NEBL: variants seen among roughly 807,000 people sequenced by gnomAD.
The protein encoded by NEBL is LIM and SH3 protein 2.
NEBL carries 122 observed loss-of-function variants against 140.2 expected under a neutral mutation model. That is an observed-to-expected ratio of 0.87 (90% confidence interval 0.75 to 1.01). NEBL has a LOEUF of 1.01. NEBL is among the 50% of genes least tolerant of loss of function. The pLI is 0.00. For synonymous variants in NEBL, 436 were observed against 398.9 expected (o/e 1.09, Z -1.11); for missense variants, 1,365 against 1,231.3 (o/e 1.11, Z -1.62).
intron 2 of NEBL, among the ~76,000 whole-genome samples, chr10:21,033,365 C>T (rs1179994621): frequency 1.3e-5 from 2 of 151,988 alleles, no homozygotes; most frequent in African/African-American, 4.8e-5. Flanking sequence ...GCAATATGAA[C>T]AAAAATAATT....
At chr10:20,953,603 T>C (rs1248588327) in intron 4 of NEBL, among the ~76,000 whole-genome samples, 2 of 150,478 alleles carry the variant, frequency 1.3e-5, no homozygotes, top group Admixed American at 1.3e-4. Context: ...GCATTTGTAA[T>C]GTAATTAGAA....
chr10:20,877,831 A>T lies in NEBL; in HGVS notation c.480+2963T>A, dbSNP rs182146463. ...CCGACTCCTCAAGCCTGTCTATAAAATCCGATGCACTCTGCCACGAGGCAC... is the reference window on the plus strand; with the variant it reads ...CCGACTCCTCAAGCCTGTCTATAAATTCCGATGCACTCTGCCACGAGGCAC... On this transcript the variant is annotated intron_variant, in intron 5 of 27. Transcript: ENST00000377122. Among the ~76,000 whole-genome samples the T allele has an allele frequency of 4.5e-4, 69 of 152,242 alleles. 1 individual carries two copies. The highest frequency in any genetic ancestry group is 4.5e-3 in the Admixed American group (69 of 15,292).
In NEBL at chr10:20,850,459, A is replaced by T; in HGVS notation, c.1052T>A (p.Met351Lys). 1 of 1,612,256 alleles carries T rather than the reference A, an allele frequency of 6.2e-7. No homozygotes were observed. ...EEYEKNKGKP[M>K]LEFVETPSYQ... is the part of the protein sequence containing the mutation. ...TGATGGTGTCTCAACAAATTCAAGC[A>T]TTGGCTTTCCCTTATTTTTCTCATA... The change falls in exon 11 of 28, where the codon ATG becomes AAG. Residue 351 changes from methionine to lysine, a missense_variant. Coordinates refer to ENST00000377122, the MANE Select transcript of NEBL (RefSeq NM_006393.3).
intron 2 of NEBL, among the ~76,000 whole-genome samples, chr10:21,079,941 T>A (rs1172006598): frequency 6.6e-6 from 1 of 152,126 alleles, no homozygotes; most frequent in Non-Finnish European, 1.5e-5. Flanking sequence ...CAATATAGAA[T>A]CCTCAGAGAG....
chr10:21,150,506 C>T (rs1384694737), intron 2 of NEBL, among the ~76,000 whole-genome samples: 1 of 152,188 alleles, frequency 6.6e-6, no homozygotes, highest in Non-Finnish European at 1.5e-5. Flanking sequence ...CATGAAGTCA[C>T]ATGTGCTGAA....
chr10:21,235,512 G>A (rs113374751), intron 3 of NEBL, among the ~76,000 whole-genome samples: 1 of 151,952 alleles, frequency 6.6e-6, no homozygotes, highest in East Asian at 1.9e-4. Flanking sequence ...ACAGGGTTTC[G>A]CCATTATGGA....
At position 21,009,802 on chromosome 10, in the gene NEBL, G is replaced by T. The variant is rs558316156; in HGVS notation, c.249+10315C>A. ...TGGGAAGGTCCTTCTGAAGCTAATGGGTGCTCTAAACAAAGTTCTGAGGTA... is the reference window on the plus strand; with the variant it reads ...TGGGAAGGTCCTTCTGAAGCTAATGTGTGCTCTAAACAAAGTTCTGAGGTA... On this transcript the variant is annotated intron_variant, in intron 3 of 6. Coordinates refer to the NEBL transcript ENST00000417816. Among the ~76,000 whole-genome samples, 268 of 152,234 alleles carry T rather than the reference G, an allele frequency of 1.8e-3. 1 individual carries two copies. Among genetic ancestry groups the T allele is most frequent in the African/African-American group, 6.1e-3 (255 of 41,526 alleles).
intron 2 of NEBL, among the ~76,000 whole-genome samples, chr10:21,115,404 G>A (rs568596378): frequency 7.8e-4 from 118 of 152,094 alleles, no homozygotes; most frequent in Admixed American, 5.0e-3. Flanking sequence ...CTGTCTAAAA[G>A]CCTTCTGTTA....
At position 20,949,005 on chromosome 10, in the gene NEBL, A is replaced by G. The variant is rs536537881; in HGVS notation, c.357+12667T>C. 8.6e-4 allele frequency among the ~76,000 whole-genome samples: 131 copies of G among 152,362 alleles called. 1 individual carries two copies. Among genetic ancestry groups the G allele is most frequent in the African/African-American group, 3.0e-3 (126 of 41,590 alleles). On this transcript the variant is annotated intron_variant, in intron 4 of 6. Transcript: ENST00000417816. ...TGGCAAACACATATGTCACATGTGC[A>G]AAGACAGCTATTTCAGATGCATGTA...
At chr10:20,924,413 T>TTA (rs1184945488) in intron 4 of NEBL, among the ~76,000 whole-genome samples, 17 of 59,060 alleles carry the variant, frequency 2.9e-4, no homozygotes, top group African/African-American at 9.9e-4. Context: ...AGGCATGAAG[T>TTA]AAAAAAAAAA....
intron 3 of NEBL, among the ~76,000 whole-genome samples, chr10:20,969,023 C>T (rs1836450971): frequency 6.6e-6 from 1 of 152,138 alleles, no homozygotes; most frequent in Non-Finnish European, 1.5e-5. Flanking sequence ...TAAGCAGGTG[C>T]TAAGCATAGA....
upstream of NEBL, among the ~76,000 whole-genome samples, chr10:21,179,020 A>T (rs981366301): frequency 2.0e-5 from 3 of 152,226 alleles, no homozygotes; most frequent in African/African-American, 7.2e-5. Flanking sequence ...AGATGTGATT[A>T]AGTTAAGAAT....
At chr10:21,166,430 A>T (rs967058463) in intron 2 of NEBL, among the ~76,000 whole-genome samples, 2 of 152,078 alleles carry the variant, frequency 1.3e-5, no homozygotes, top group Non-Finnish European at 1.5e-5. Flanking sequence ...AGCAGCCCAT[A>T]GTGCGAAAAA....
At chr10:21,166,096 T>A (rs1217309304) in intron 2 of NEBL, among the ~76,000 whole-genome samples, 1 of 151,350 alleles carries the variant, frequency 6.6e-6, no homozygotes, top group African/African-American at 2.4e-5. Flanking sequence ...GGCGGGCGCC[T>A]GAAGTCCCAG....
intron 22 of NEBL, among the ~76,000 whole-genome samples, chr10:20,814,601 C>T (rs1185513473): frequency 1.5e-5 from 2 of 135,770 alleles, no homozygotes; most frequent in African/African-American, 5.8e-5. Flanking sequence ...GTGTCTCAAA[C>T]ACACACATAC....
intron 4 of NEBL, among the ~76,000 whole-genome samples, chr10:20,941,503 A>C (rs1220507475): frequency 6.6e-6 from 1 of 152,138 alleles, no homozygotes; most frequent in Non-Finnish European, 1.5e-5. Flanking sequence ...AAGTGGAAGC[A>C]TTCCCTTTGA....
At chr10:21,279,507 C>T (rs1286266102) in intron 1 of NEBL, among the ~76,000 whole-genome samples, 1 of 151,866 alleles carries the variant, frequency 6.6e-6, no homozygotes, top group Non-Finnish European at 1.5e-5. Context: ...TGGTTCATGC[C>T]TGTAATCTCA....
At chr10:20,857,646 G>A (rs556314450) in intron 9 of NEBL, among the ~76,000 whole-genome samples, 1 of 152,096 alleles carries the variant, frequency 6.6e-6, no homozygotes. Flanking sequence ...AGCATTCAGC[G>A]TAGTGAGAGT....
intron 3 of NEBL, among the ~76,000 whole-genome samples, chr10:21,222,011 C>G (rs1589334981): frequency 6.6e-6 from 1 of 151,870 alleles, no homozygotes; most frequent in South Asian, 2.1e-4. Context: ...TTGGTGCCCC[C>G]GAGAACCAAA....
Sources: allele counts gnomAD v4.1 joint callset (sites outside exome capture counted in the v4.1 genomes callset), GRCh38; gene constraint gnomAD v4.1.1; transcripts MANE v1.5; gene names NCBI Gene and HGNC (gene_info 2026-07-23, HGNC 2026-07-21).